The following BRWD1 variants were observed in gnomAD, a reference collection of about 807,000 sequenced individuals.
The protein encoded by BRWD1 is bromodomain and WD repeat-containing protein 1.
In BRWD1, 82 loss-of-function variants were observed where a neutral mutation model predicts 251.2. That is an observed-to-expected ratio of 0.33 (90% CI 0.27 to 0.39). BRWD1 has a LOEUF of 0.39. BRWD1 is among the 10% of genes least tolerant of loss of function. The pLI, the probability that BRWD1 is intolerant of heterozygous loss-of-function variation, is 1.00. For synonymous variants in BRWD1, 918 were observed against 902.8 expected, an observed-to-expected ratio of 1.02 and a Z score of -0.30; for missense variants, 2,233 against 2,711.6, an observed-to-expected ratio of 0.82 and a Z score of 3.92.
In BRWD1 at chr21:39,191,379, G is replaced by A. The variant is rs2031545104; in HGVS notation, c.*4880C>T. ...AAGTCTGGAATTAACCAGCTAGAATGTATTTGGCTTGGAGTAGTGTTTTGT... is the reference window on the plus strand; with the variant it reads ...AAGTCTGGAATTAACCAGCTAGAATATATTTGGCTTGGAGTAGTGTTTTGT... On this transcript the variant is annotated 3_prime_UTR_variant, in exon 41 of 41. Transcript: ENST00000342449. 1 of 985,300 alleles carries A rather than the reference G, an allele frequency of 1.0e-6. No individual in the cohort carries two copies. Among genetic ancestry groups the A allele is most frequent in the Non-Finnish European group, 1.2e-6 (1 of 829,894 alleles). 61.0% of individuals were successfully genotyped at this position (985,300 alleles called of 1,614,324 possible). A position where few individuals can be genotyped will look rare whatever the true frequency, so the allele number is the denominator to read the frequency against.
rs1040189890 is a variant in BRWD1 at position 39,202,533 on chromosome 21, C to T, written c.4377G>A (p.Pro1459=). The T allele has an allele frequency of 8.7e-6, 14 of 1,607,924 alleles. No individual in the cohort carries two copies. The highest frequency in any genetic ancestry group is 2.2e-5 in the East Asian group (1 of 44,672). ...TTTTTGTCTGAGATTTTAACCTCTT[C>T]GGCTTGAGGTTTCTGGCCAAACATA... is the stretch of plus-strand genomic sequence containing the variant. ...QPNKSIRNLK[P]KRLKSQTKII... The change falls in exon 38 of 41, where the codon CCG becomes CCA. Residue 1459 remains proline, a synonymous_variant. Coordinates refer to ENST00000342449, the MANE Select transcript of BRWD1 (RefSeq NM_033656.4).
In BRWD1 at chr21:39,274,456, T is replaced by C; in HGVS notation, c.1162A>G (p.Arg388Gly). 6.2e-7 allele frequency: 1 copy of C among 1,613,820 alleles called. No individual in the cohort carries two copies. Among genetic ancestry groups the C allele is most frequent in the Non-Finnish European group, 8.5e-7 (1 of 1,179,822 alleles). Residue 388 changes from arginine to glycine, a missense_variant, in exon 13 of 41, where the codon AGA becomes GGA. Arg to Gly is a moderately radical substitution (Grantham distance 125, BLOSUM62 -2). This residue lies in a region of BRWD1 where 315 missense variants were observed against 421.8 expected (regional missense o/e 0.75). Coordinates refer to ENST00000342449, the MANE Select transcript of BRWD1 (RefSeq NM_033656.4). ...CTCCAAATCCGTGCTGTTCCATCTC[T>C]GCTACCACTTAGGAACCTTAAAACA... Reference protein sequence around the residue: ...NNGDRFLSGSRDGTARIWRFE... With the variant: ...NNGDRFLSGSGDGTARIWRFE...
At chr21:39,220,594 G>A (rs1018796480) in intron 29 of BRWD1, among the ~76,000 whole-genome samples, 3 of 152,084 alleles carry the variant, frequency 2.0e-5, no homozygotes, top group African/African-American at 7.2e-5. Context: ...TATAACACAG[G>A]TAATATATTA....
chr21:39,248,633 C>A (rs2034280480), intron 20 of BRWD1, among the ~76,000 whole-genome samples: 2 of 90,042 alleles, frequency 2.2e-5, no homozygotes, highest in East Asian at 4.2e-4. Context: ...GAGTGAGACC[C>A]TATCTCCCAA....
At chr21:39,297,244 C>T (rs2035985745) in intron 5 of BRWD1, 1 of 985,456 alleles carries the variant, frequency 1.0e-6, no homozygotes, top group Non-Finnish European at 1.2e-6. Flanking sequence ...CATACTAAAC[C>T]TCTACTGAGC....
At chr21:39,231,678 A>G (rs1466194387) in intron 25 of BRWD1, among the ~76,000 whole-genome samples, 5 of 152,224 alleles carry the variant, frequency 3.3e-5, no homozygotes, top group African/African-American at 7.2e-5. Context: ...AGCAATCTGA[A>G]TAACTGTTAA....
At chr21:39,313,722 A>G, upstream of BRWD1, 2 of 380,526 alleles carry the variant, frequency 5.3e-6, no homozygotes, top group South Asian at 4.4e-5. Context: ...GCGCCAAGAG[A>G]GGACCGGAGC....
At position 39,277,317 on chromosome 21, in the gene BRWD1, A is replaced by G. The variant is rs745632772; in HGVS notation, c.1038T>C (p.His346=). Residue 346 remains histidine, a synonymous_variant, in exon 11 of 41, where the codon CAT becomes CAC. Coordinates refer to ENST00000342449, the MANE Select transcript of BRWD1 (RefSeq NM_033656.4). The part of the protein sequence containing the change: ...GMFLATGSTD[H]VIRMYFLGFE... ...AACCCAAAAAATACATTCTGATTAC[A>G]TGATCAGTACTACCTGTGGCTAAAA... 1.9e-6 allele frequency: 3 copies of G among 1,611,656 alleles called. No individual in the cohort carries two copies. The highest frequency in any genetic ancestry group is 2.5e-6 in the Non-Finnish European group (3 of 1,178,714).
At chr21:39,207,836 G>A (rs1208819614) in intron 36 of BRWD1, among the ~76,000 whole-genome samples, 5 of 152,276 alleles carry the variant, frequency 3.3e-5, no homozygotes, top group Admixed American at 6.5e-5. Context: ...ATAAAGTTCT[G>A]ATACATGCTA....
chr21:39,287,809 A>G (rs1467160627), intron 8 of BRWD1, among the ~76,000 whole-genome samples: 1 of 152,192 alleles, frequency 6.6e-6, no homozygotes, highest in Non-Finnish European at 1.5e-5. Context: ...CTTGAGAAAT[A>G]CACTTGTGAT....
At chr21:39,279,742 T>C (rs777096753) in intron 9 of BRWD1, among the ~76,000 whole-genome samples, 13 of 152,014 alleles carry the variant, frequency 8.6e-5, no homozygotes, top group South Asian at 8.3e-4. Flanking sequence ...AAATTATCAA[T>C]TCAGTTCCTC....
chr21:39,303,519 C>CAAAAAAA (rs34013314), intron 4 of BRWD1, among the ~76,000 whole-genome samples: 2 of 91,730 alleles, frequency 2.2e-5, no homozygotes, highest in Non-Finnish European at 4.0e-5. Context: ...ACTCCATCTC[C>CAAAAAAA]AAAAAAAAAA....
intron 8 of BRWD1, among the ~76,000 whole-genome samples, chr21:39,289,299 T>C (rs944753491): frequency 5.9e-5 from 9 of 152,266 alleles, no homozygotes; most frequent in Admixed American, 1.3e-4. Context: ...TAATGTAAAT[T>C]TGTATTATTT....
At chr21:39,209,046 A>C (rs2146490375) in intron 36 of BRWD1, among the ~76,000 whole-genome samples, 1 of 152,248 alleles carries the variant, frequency 6.6e-6, no homozygotes, top group African/African-American at 2.4e-5. Flanking sequence ...TGCTTATGAG[A>C]TAAGAAGAAC....
intron 1 of BRWD1, 33 bp from the exon 2 acceptor site, chr21:39,313,332 G>A: frequency 6.6e-7 from 1 of 1,517,078 alleles, no homozygotes; most frequent in South Asian, 1.2e-5. Context: ...GTCAAGCCCC[G>A]GCGGGGAGGG....
intron 20 of BRWD1, among the ~76,000 whole-genome samples, 156 bp downstream of exon 20, chr21:39,250,640 T>G (rs1210735434): frequency 1.3e-5 from 2 of 152,190 alleles, no homozygotes; most frequent in Admixed American, 6.5e-5. Context: ...AACAGCTATA[T>G]AACCTTAAGT....
At chr21:39,241,720 G>GT (rs1424359682) in intron 21 of BRWD1, among the ~76,000 whole-genome samples, 4 of 152,022 alleles carry the variant, frequency 2.6e-5, no homozygotes, top group Non-Finnish European at 5.9e-5. Flanking sequence ...TCACAGTTGT[G>GT]TTTTTTACAA....
intron 39 of BRWD1, among the ~76,000 whole-genome samples, chr21:39,199,996 G>A (rs190819553): frequency 2.0e-5 from 3 of 152,090 alleles, no homozygotes; most frequent in Non-Finnish European, 4.4e-5. Context: ...CAGGTGATCC[G>A]CCCACCTCAG....
intron 4 of BRWD1, among the ~76,000 whole-genome samples, chr21:39,298,963 C>T (rs767379152): frequency 3.9e-5 from 6 of 152,210 alleles, no homozygotes; most frequent in Non-Finnish European, 8.8e-5. Context: ...GTGACTCACA[C>T]CTGTAATCTC....
Sources: allele counts gnomAD v4.1 joint callset (sites outside exome capture counted in the v4.1 genomes callset), GRCh38; gene constraint gnomAD v4.1.1; regional missense constraint gnomAD v4.1.1; transcripts MANE v1.5; gene names NCBI Gene and HGNC (gene_info 2026-07-23, HGNC 2026-07-21).